STAMBP: variants seen among roughly 807,000 people sequenced by gnomAD.
STAMBP encodes the protein STAM binding protein, also known as STAM-binding protein.
A neutral mutation model predicts 50.7 loss-of-function variants in STAMBP; 31 were observed. The ratio of observed to expected loss-of-function variants is 0.61; its 90% CI spans 0.46 to 0.83. STAMBP has a LOEUF of 0.83. STAMBP is among the 40% of genes least tolerant of loss of function. The probability of loss-of-function intolerance (pLI) is 0.00; values close to 1 mark genes in which losing one functional copy is unlikely to be tolerated. For synonymous variants in STAMBP, 211 were observed against 192.4 expected (o/e 1.10, Z -0.80); for missense variants, 472 against 518.9 (o/e 0.91, Z 0.88).
intron 2 of STAMBP, among the ~76,000 whole-genome samples, chr2:73,837,586 A>C (rs1674874766): frequency 1.7e-5 from 1 of 57,362 alleles, no homozygotes; most frequent in Non-Finnish European, 3.0e-5. Flanking sequence ...CTCCATCTCA[A>C]AAAAAAAAAA....
chr2:73,841,363 T>G (rs914782776), intron 2 of STAMBP, among the ~76,000 whole-genome samples: 15 of 152,200 alleles, frequency 9.9e-5, no homozygotes, highest in African/African-American at 3.6e-4. Flanking sequence ...GCTCACATTT[T>G]TTGTTTATTA....
Position 73,851,000 on chromosome 2 carries a change from G to T in STAMBP, c.1005+487G>T, listed in dbSNP as rs1676738787. Among the ~76,000 whole-genome samples the T allele has an allele frequency of 5.3e-5, 8 of 152,204 alleles. No individual in the cohort carries two copies. Among genetic ancestry groups the T allele is most frequent in the Admixed American group, 5.2e-4 (8 of 15,284 alleles). Reference sequence around the variant, plus strand: ...TGATTTTCAAGTGTCTGCATATCTTGTGCAGCCTTCTGGTAATGTTCAGGT... The same window carrying T: ...TGATTTTCAAGTGTCTGCATATCTTTTGCAGCCTTCTGGTAATGTTCAGGT... On this transcript the variant is annotated intron_variant, in intron 7 of 9. Coordinates refer to ENST00000394070, the MANE Select transcript of STAMBP (RefSeq NM_213622.4). This position sits in a 1 kb window ranked among gnomAD's most constrained non-coding sequence, Gnocchi z 4.3.
At chr2:73,830,494 G>T (rs1329993668) in intron 1 of STAMBP, among the ~76,000 whole-genome samples, 1 of 152,236 alleles carries the variant, frequency 6.6e-6, no homozygotes, top group Non-Finnish European at 1.5e-5. Flanking sequence ...GAAAATAAAA[G>T]ATGCTGTTCC....
chr2:73,861,715 G>A (rs1306977448), intron 9 of STAMBP, among the ~76,000 whole-genome samples: 1 of 147,564 alleles, frequency 6.8e-6, no homozygotes, highest in African/African-American at 2.5e-5. Context: ...TTTTAGTAGG[G>A]TCAGGGTTTC....
At position 73,865,696 on chromosome 2, in the gene STAMBP, G is replaced by T. The variant is rs1047004349; in HGVS notation, c.*3437G>T. ...AGAATGACATCTATATGCATATGAG[G>T]CCTACGTTAGTTGAAAGATGCTATA... On this transcript the variant is annotated 3_prime_UTR_variant, in exon 10 of 10. Coordinates refer to ENST00000394070, the MANE Select transcript of STAMBP (RefSeq NM_213622.4). The T allele has an allele frequency of 2.6e-5, 4 of 152,142 alleles. No individual in the cohort carries two copies. The highest frequency in any genetic ancestry group is 9.7e-5 in the African/African-American group (4 of 41,414). 9.4% of individuals were successfully genotyped at this position (152,142 alleles called of 1,614,324 possible).
chr2:73,859,317 A>G lies in STAMBP; in HGVS notation c.1069A>G (p.Met357Val). Residue 357 changes from methionine (M) to valine (V), a missense_variant, in exon 8 of 10, where the codon ATG (methionine) becomes GTG (valine). Physicochemically the swap from Met to Val is conservative, Grantham distance 21. Coordinates refer to ENST00000394070, the MANE Select transcript of STAMBP (RefSeq NM_213622.4). ...VDLHTHCSYQ[M>V]MLPESVAIVC... ...CCTACACACTCACTGCTCTTACCAG[A>G]TGATGTTGCCAGAGTCAGTAGCCAT... 1.2e-6 allele frequency: 2 copies of G among 1,614,128 alleles called. No homozygotes were observed. The highest frequency in any genetic ancestry group is 1.7e-6 in the Non-Finnish European group (2 of 1,179,996).
chr2:73,859,828 A>G (rs1271120891), intron 8 of STAMBP, among the ~76,000 whole-genome samples: 2 of 152,126 alleles, frequency 1.3e-5, no homozygotes, highest in Non-Finnish European at 2.9e-5. Flanking sequence ...ATTATTTACT[A>G]TGAATTCTCC....
intron 2 of STAMBP, among the ~76,000 whole-genome samples, chr2:73,836,907 G>C (rs931009588): frequency 6.6e-6 from 1 of 152,202 alleles, no homozygotes; most frequent in Non-Finnish European, 1.5e-5. Flanking sequence ...TAGGTCCCCG[G>C]GGCTCAGGAT....
intron 4 of STAMBP, among the ~76,000 whole-genome samples, chr2:73,845,633 A>ATTT (rs944316554): frequency 5.9e-5 from 8 of 136,612 alleles, no homozygotes; most frequent in African/African-American, 1.4e-4. Flanking sequence ...TTTTCAAGCT[A>ATTT]TTTTTTTTTT....
At chr2:73,846,550 C>T (rs546442831) in intron 4 of STAMBP, among the ~76,000 whole-genome samples, 1 of 151,376 alleles carries the variant, frequency 6.6e-6, no homozygotes, top group South Asian at 2.1e-4. Context: ...CACCTGCGCC[C>T]AGGGAGATTG....
chr2:73,857,303 C>T (rs1042671512), intron 7 of STAMBP, among the ~76,000 whole-genome samples: 5 of 152,138 alleles, frequency 3.3e-5, no homozygotes, highest in Non-Finnish European at 7.3e-5. Flanking sequence ...ATTCCAGAAC[C>T]CATCAGGTAC....
At chr2:73,856,169 G>A (rs754919033) in intron 7 of STAMBP, among the ~76,000 whole-genome samples, 3 of 152,218 alleles carry the variant, frequency 2.0e-5, no homozygotes, top group Admixed American at 6.5e-5. Context: ...TTAGCATCGT[G>A]TTCTCCTTCC....
chr2:73,839,593 T>TAA (rs1675128950), intron 2 of STAMBP, among the ~76,000 whole-genome samples: 1 of 152,204 alleles, frequency 6.6e-6, no homozygotes, highest in Non-Finnish European at 1.5e-5. Context: ...GCATCCATGT[T>TAA]AAAGAACCTT....
At chr2:73,845,099 T>A (rs988059255) in intron 3 of STAMBP, 68 bp from the exon 4 acceptor site, 48 of 1,593,072 alleles carry the variant, frequency 3.0e-5, no homozygotes, top group Non-Finnish European at 4.1e-5. Flanking sequence ...CAACTTGACT[T>A]AAGTCTTCTT....
At position 73,850,420 on chromosome 2, in the gene STAMBP, A is replaced by G; in HGVS notation, c.912A>G (p.Gln304=). 1 of 1,613,528 alleles carries G rather than the reference A, an allele frequency of 6.2e-7. No individual in the cohort carries two copies. Among genetic ancestry groups the G allele is most frequent in the Non-Finnish European group, 8.5e-7 (1 of 1,179,814 alleles). ...FTITHVLIPK[Q]SAGSDYCNTE... is the part of the protein sequence containing the mutation. Reference sequence around the variant, plus strand: ...TTACCCATGTTCTCATCCCCAAGCAAAGTGCTGGGTCTGATTACTGCAACA... The same window carrying G: ...TTACCCATGTTCTCATCCCCAAGCAGAGTGCTGGGTCTGATTACTGCAACA... The change falls in exon 7 of 10, where the codon CAA becomes CAG. Residue 304 remains glutamine, a synonymous_variant. Transcript: ENST00000394070. This position sits in a 1 kb window ranked among gnomAD's most constrained non-coding sequence, Gnocchi z 4.3.
downstream of STAMBP, among the ~76,000 whole-genome samples, chr2:73,867,824 A>C (rs1679018087): frequency 6.6e-6 from 1 of 152,194 alleles, no homozygotes; most frequent in African/African-American, 2.4e-5. Flanking sequence ...GGAAAGAAAT[A>C]AGTACTAAAG....
intron 7 of STAMBP, among the ~76,000 whole-genome samples, chr2:73,858,780 A>C (rs547684266): frequency 3.3e-5 from 5 of 152,176 alleles, no homozygotes; most frequent in Non-Finnish European, 7.3e-5. Context: ...TGGACCTCTC[A>C]TGGTTGCAGA....
chr2:73,844,774 G>T, intron 2 of STAMBP, 39 bp from the exon 3 acceptor site: 1 of 1,562,818 alleles, frequency 6.4e-7, no homozygotes, highest in South Asian at 1.1e-5. Context: ...TGGACATTTG[G>T]ACCATTTGCT....
At position 73,846,504 on chromosome 2, in the gene STAMBP, T is replaced by C. The variant is rs189253675; in HGVS notation, c.376-883T>C. 4.1e-3 allele frequency among the ~76,000 whole-genome samples: 623 copies of C among 151,924 alleles called. 2 individuals carry two copies. The highest frequency in any genetic ancestry group is 0.019 in the South Asian group (90 of 4,814). On this transcript the variant is annotated intron_variant, in intron 4 of 9. Coordinates refer to ENST00000394070, the MANE Select transcript of STAMBP (RefSeq NM_213622.4). ...AAATTAGTGTGGTGGCACGCACCTCTGGTTTCAGCTACTCGGGAGGCTGAG... is the reference window on the plus strand; with the variant it reads ...AAATTAGTGTGGTGGCACGCACCTCCGGTTTCAGCTACTCGGGAGGCTGAG...
Sources: gnomAD v4.1 joint callset for allele counts (sites outside exome capture counted in the v4.1 genomes callset) on GRCh38, gnomAD v4.1.1 for gene constraint, Gnocchi (gnomAD v3.1) non-coding constraint, MANE v1.5 for transcripts, NCBI Gene and HGNC (gene_info 2026-07-23, HGNC 2026-07-21) for gene names.